Variants in RABGAP1L observed in about 807,000 individuals in gnomAD.
The protein encoded by RABGAP1L is RAB GTPase activating protein 1 like, also known as rab GTPase-activating protein 1-like.
RABGAP1L carries 63 observed loss-of-function variants against 137.7 expected under a neutral mutation model. The observed-to-expected ratio is 0.46, with a 90% CI of 0.37 to 0.56. RABGAP1L has a LOEUF of 0.56. RABGAP1L is among the 20% of genes least tolerant of loss of function. RABGAP1L has a pLI of 0.00. For synonymous variants in RABGAP1L, 431 were observed against 433.7 expected (o/e 0.99, Z 0.08); for missense variants, 1,095 against 1,244.0 (o/e 0.88, Z 1.80).
intron 13 of RABGAP1L, among the ~76,000 whole-genome samples, chr1:174,425,305 C>T (rs1182740121): frequency 6.6e-6 from 1 of 151,940 alleles, no homozygotes; most frequent in Non-Finnish European, 1.5e-5. Context: ...TCAGAGCTCT[C>T]AAGAACTTAA....
chr1:174,230,961 A>G (rs1670596936), intron 3 of RABGAP1L, among the ~76,000 whole-genome samples, 184 bp from the exon 4 acceptor site: 2 of 152,210 alleles, frequency 1.3e-5, no homozygotes, highest in African/African-American at 4.8e-5. Flanking sequence ...CATAAGATTT[A>G]GGATTATAAA....
chr1:174,166,837 A>C (rs997978683), intron 1 of RABGAP1L, among the ~76,000 whole-genome samples: 1 of 152,226 alleles, frequency 6.6e-6, no homozygotes, highest in African/African-American at 2.4e-5. Context: ...AGACTGCTTA[A>C]TAGCTCATCA....
chr1:174,886,116 C>A (rs1268498307), intron 19 of RABGAP1L, among the ~76,000 whole-genome samples: 1 of 150,252 alleles, frequency 6.7e-6, no homozygotes, highest in Admixed American at 6.7e-5. Context: ...CAGGTTCAAG[C>A]AGTTCTCCTA....
intron 19 of RABGAP1L, among the ~76,000 whole-genome samples, chr1:174,954,743 C>G (rs539768234): frequency 5.3e-5 from 8 of 152,244 alleles, no homozygotes; most frequent in African/African-American, 1.7e-4. Flanking sequence ...GGGAAAATGG[C>G]TCCTGGAGTA....
At chr1:174,408,667 A>T (rs1214058289) in intron 13 of RABGAP1L, among the ~76,000 whole-genome samples, 3 of 152,206 alleles carry the variant, frequency 2.0e-5, no homozygotes, top group Non-Finnish European at 4.4e-5. Flanking sequence ...AATAATTTAC[A>T]TTCCCACCAA....
intron 12 of RABGAP1L, among the ~76,000 whole-genome samples, chr1:174,374,027 G>GA (rs975065032): frequency 7.9e-5 from 12 of 152,000 alleles, no homozygotes; most frequent in East Asian, 1.9e-4. Context: ...GCACTGATAA[G>GA]AAAAAAAACA....
At chr1:174,363,078 T>A (rs1684286831) in intron 11 of RABGAP1L, among the ~76,000 whole-genome samples, 1 of 152,074 alleles carries the variant, frequency 6.6e-6, no homozygotes, top group Non-Finnish European at 1.5e-5. Context: ...GTCAGGTTTG[T>A]TGCAGATAGT....
chr1:174,748,126 T>C (rs1263277801), intron 17 of RABGAP1L, among the ~76,000 whole-genome samples: 1 of 152,218 alleles, frequency 6.6e-6, no homozygotes, highest in East Asian at 1.9e-4. Flanking sequence ...CTTTATTTAC[T>C]TAATTTTTAC....
rs144368341 is a variant in RABGAP1L, at chr1:174,707,000, G to A, written c.2169+4744G>A. 7.9e-5 allele frequency among the ~76,000 whole-genome samples: 12 copies of A among 152,210 alleles called. No homozygotes were observed. In the East Asian group the frequency reaches 2.1e-3, roughly 27 times the overall value. Reference sequence around the variant, plus strand: ...AGAAGGCCATTATGAATAGTGCTCCGTGTGAATCTTTTGAACTTTCTTGAA... The same window carrying A: ...AGAAGGCCATTATGAATAGTGCTCCATGTGAATCTTTTGAACTTTCTTGAA... On this transcript the variant is annotated intron_variant, in intron 17 of 25. Transcript: ENST00000681986.
chr1:174,169,500 G>A (rs558680065), intron 1 of RABGAP1L, among the ~76,000 whole-genome samples: 111 of 152,266 alleles, frequency 7.3e-4, no homozygotes, highest in Non-Finnish European at 1.4e-3. Flanking sequence ...GATTACAGGC[G>A]TGAGTGACTG....
chr1:174,264,120 T>C (rs574138153), intron 7 of RABGAP1L, among the ~76,000 whole-genome samples: 9 of 152,192 alleles, frequency 5.9e-5, no homozygotes, highest in Admixed American at 5.9e-4. Flanking sequence ...ATATGTCTTA[T>C]AGGTGAAATT....
Position 174,861,868 on chromosome 1 carries a change from A to G in RABGAP1L, c.2340+49908A>G, listed in dbSNP as rs1312493222. On this transcript the variant is annotated intron_variant, in intron 19 of 25. Transcript: ENST00000681986. ...TGGATATTAATCCCTCATGAGATATATAGTTTGGAAATATTTTCTTCCATT... is the reference window on the plus strand; with the variant it reads ...TGGATATTAATCCCTCATGAGATATGTAGTTTGGAAATATTTTCTTCCATT... Among the ~76,000 whole-genome samples, 6 of 152,244 alleles carry G rather than the reference A, an allele frequency of 3.9e-5. No individual in the cohort carries two copies. In the South Asian group the frequency reaches 1.0e-3, roughly 26 times the overall value.
At chr1:174,533,229 G>T (rs1156327077) in intron 13 of RABGAP1L, among the ~76,000 whole-genome samples, 1 of 152,170 alleles carries the variant, frequency 6.6e-6, no homozygotes, top group African/African-American at 2.4e-5. Flanking sequence ...GTGAGACTCC[G>T]TCTCAAAAAT....
At chr1:174,327,978 TAC>T (rs71563255) in intron 11 of RABGAP1L, among the ~76,000 whole-genome samples, 845 of 18,926 alleles carry the variant, frequency 0.045, 19 homozygotes, top group Middle Eastern at 0.1. Flanking sequence ...TATATATATA[TAC>T]ACACACATAT....
At chr1:174,886,358 G>A (rs987076404) in intron 19 of RABGAP1L, among the ~76,000 whole-genome samples, 2 of 152,182 alleles carry the variant, frequency 1.3e-5, no homozygotes, top group African/African-American at 2.4e-5. Context: ...CAAGCTGAAC[G>A]TGTAATCAAA....
intron 13 of RABGAP1L, among the ~76,000 whole-genome samples, chr1:174,619,352 T>C (rs1672222741): frequency 6.6e-6 from 1 of 151,690 alleles, no homozygotes; most frequent in African/African-American, 2.4e-5. Context: ...TTCACCACAG[T>C]GGAAATGAAG....
chr1:174,907,316 T>C (rs1164023803), intron 19 of RABGAP1L, among the ~76,000 whole-genome samples: 2 of 152,160 alleles, frequency 1.3e-5, no homozygotes, highest in Non-Finnish European at 2.9e-5. Context: ...ATAAGTTGTC[T>C]TTTTAATTTT....
intron 11 of RABGAP1L, among the ~76,000 whole-genome samples, chr1:174,328,243 C>T (rs1680722070): frequency 6.6e-6 from 1 of 151,690 alleles, no homozygotes; most frequent in Non-Finnish European, 1.5e-5. Context: ...CTTCAGAATT[C>T]ACATTCTTCT....
chr1:174,435,874 C>T (rs868411635), intron 13 of RABGAP1L, among the ~76,000 whole-genome samples: 11 of 147,108 alleles, frequency 7.5e-5, no homozygotes, highest in Admixed American at 2.8e-4. Context: ...TCTCATTGTT[C>T]GATTCCCACC....
Sources: gnomAD v4.1 joint callset for allele counts (sites outside exome capture counted in the v4.1 genomes callset) on GRCh38, gnomAD v4.1.1 for gene constraint, MANE v1.5 for transcripts, NCBI Gene and HGNC (gene_info 2026-07-23, HGNC 2026-07-21) for gene names.